SH2D6: variants seen among roughly 807,000 people sequenced by gnomAD.
SH2D6 encodes the protein SH2 domain-containing protein 6.
A neutral mutation model predicts 30.2 loss-of-function variants in SH2D6; 31 were observed. That is an observed-to-expected ratio of 1.03 (90% CI 0.77 to 1.38). The LOEUF is 1.38. Ranked by LOEUF, SH2D6 falls within the 40% of genes most tolerant of loss-of-function variation. The pLI, the probability that SH2D6 is intolerant of heterozygous loss-of-function variation, is 0.00. For synonymous variants in SH2D6, 93 were observed against 104.6 expected (o/e 0.89, Z 0.68); for missense variants, 240 against 266.8 (o/e 0.90, Z 0.70).
intron 5 of SH2D6, 112 bp downstream of exon 5, chr2:85,422,802 A>G (rs1687794241): frequency 6.6e-6 from 1 of 152,370 alleles, no homozygotes; most frequent in African/African-American, 2.4e-5. Context: ...TTCAGCTCCC[A>G]GCCTAACCCT....
In SH2D6 at chr2:85,434,013, C is replaced by G; in HGVS notation, c.455-20C>G. 6.5e-7 allele frequency: 1 copy of G among 1,547,518 alleles called. No individual in the cohort carries two copies. Among genetic ancestry groups the G allele is most frequent in the South Asian group, 1.2e-5 (1 of 83,830 alleles). Reference sequence around the variant, plus strand: ...CTGCCTGGTGCTCAGCCGAGCCCAGCCTGCCCCTCCCTGTTTCAGTCCTGG... The same window carrying G: ...CTGCCTGGTGCTCAGCCGAGCCCAGGCTGCCCCTCCCTGTTTCAGTCCTGG... On this transcript the variant is annotated intron_variant, in intron 16 of 23. Transcript: ENST00000469800.
chr2:85,434,300 T>C (rs1558764103), intron 17 of SH2D6, 40 bp from the exon 18 acceptor site: 1 of 1,529,136 alleles, frequency 6.5e-7, no homozygotes, highest in South Asian at 1.2e-5. Flanking sequence ...TTGAAAAACA[T>C]AAAGACCCTG....
intron 18 of SH2D6, 29 bp from the exon 19 acceptor site, chr2:85,434,444 C>T: frequency 3.2e-6 from 5 of 1,550,422 alleles, no homozygotes; most frequent in Non-Finnish European, 4.4e-6. Context: ...GGGGCCCGGC[C>T]TCTTCTGATC....
intron 2 of SH2D6, among the ~76,000 whole-genome samples, 156 bp downstream of exon 2, chr2:85,419,400 G>A (rs951583723): frequency 1.3e-5 from 2 of 152,200 alleles, no homozygotes; most frequent in Admixed American, 1.3e-4. Context: ...CTACAGAAGG[G>A]ACTTACCCAG....
At chr2:85,423,245 C>T (rs865854183) in intron 5 of SH2D6, among the ~76,000 whole-genome samples, 11 of 145,716 alleles carry the variant, frequency 7.5e-5, no homozygotes, top group Middle Eastern at 8.5e-3. Flanking sequence ...TTTTTTGAGA[C>T]GAAGTCTCAC....
chr2:85,436,693 A>G, intron 23 of SH2D6, 99 bp downstream of exon 23: 2 of 887,538 alleles, frequency 2.3e-6, no homozygotes, highest in South Asian at 3.0e-5. Context: ...AGCCTTTCCC[A>G]GTGCCCACAA....
intron 5 of SH2D6, among the ~76,000 whole-genome samples, chr2:85,423,130 C>T (rs999158669): frequency 6.6e-6 from 1 of 152,154 alleles, no homozygotes; most frequent in Non-Finnish European, 1.5e-5. Context: ...TCAGGTAATC[C>T]GCCTGCCTTG....
intron 15 of SH2D6, among the ~76,000 whole-genome samples, chr2:85,433,352 C>T (rs1688987995): frequency 6.6e-6 from 1 of 152,180 alleles, no homozygotes; most frequent in Non-Finnish European, 1.5e-5. Flanking sequence ...GGCCCATGGG[C>T]GCCTCTGAAG....
At chr2:85,428,982 C>T (rs1031051587) in intron 7 of SH2D6, among the ~76,000 whole-genome samples, 4 of 152,212 alleles carry the variant, frequency 2.6e-5, no homozygotes, top group Non-Finnish European at 5.9e-5. Context: ...AATGAAGCTG[C>T]CACACTAAAT....
At chr2:85,434,927 A>T in intron 19 of SH2D6, 138 bp from the exon 20 acceptor site, 2 of 1,598,702 alleles carry the variant, frequency 1.3e-6, no homozygotes, top group Non-Finnish European at 1.7e-6. Context: ...TGGAGGAAGC[A>T]CTGGGTGCCG....
At chr2:85,426,899 G>A (rs752149716) in intron 6 of SH2D6, among the ~76,000 whole-genome samples, 6 of 152,206 alleles carry the variant, frequency 3.9e-5, no homozygotes, top group Admixed American at 3.9e-4. Flanking sequence ...CCCTCAACCC[G>A]TGGGATCTGA....
rs767998111 is a variant in SH2D6 at position 85,435,744 on chromosome 2, C to T, written c.811C>T (p.Arg271Trp). The T allele has an allele frequency of 1.1e-5, 17 of 1,612,488 alleles. No homozygotes were observed. The highest frequency in any genetic ancestry group is 6.7e-5 in the East Asian group (3 of 44,854). ...CACCCTGGCAGTGCTTCTCCGAGGC[C>T]GGGTCTTCAACATTCCCATCCGGCG... ...PFTLAVLLRG[R>W]VFNIPIRRLD... Residue 271 changes from arginine (R) to tryptophan (W), a missense_variant, in exon 22 of 24, where the codon CGG (arginine) becomes TGG (tryptophan). Coordinates refer to ENST00000469800, the MANE Select transcript of SH2D6 (RefSeq NM_001394463.1).
rs13425174 is a variant in SH2D6 at position 85,435,857 on chromosome 2, G to A, written c.891+33G>A. ...CTGGAGGAGGCAGGGGCCTAAGGAGGGACCACAGAGCAGTACCCCAGGCCT... is the reference window on the plus strand; with the variant it reads ...CTGGAGGAGGCAGGGGCCTAAGGAGAGACCACAGAGCAGTACCCCAGGCCT... On this transcript the variant is annotated intron_variant, in intron 22 of 23. Coordinates refer to ENST00000469800, the MANE Select transcript of SH2D6 (RefSeq NM_001394463.1). The A allele has an allele frequency of 3.2e-3, 4,917 of 1,545,386 alleles. 39 individuals carry two copies. The East Asian group carries it at 0.034, about 11-fold the overall frequency.
Position 85,434,586 on chromosome 2 carries a change from C to T in SH2D6, c.589+89C>T, listed in dbSNP as rs529908881. On this transcript the variant is annotated intron_variant, in intron 19 of 23. Coordinates refer to ENST00000469800, the MANE Select transcript of SH2D6 (RefSeq NM_001394463.1). ...ATCAAACTCCTTGTTCTACCCTTTC[C>T]CCACTTCTCACTACTGCACTTGACT... is the stretch of plus-strand genomic sequence containing the variant. 49 of 1,486,404 alleles carry T rather than the reference C, an allele frequency of 3.3e-5. No individual in the cohort carries two copies. In the East Asian group the frequency reaches 1.2e-3, roughly 35 times the overall value. The allele number at this position is 1,486,404 out of a possible 1,614,324, so 92.1% of individuals were successfully genotyped here. A position where few individuals can be genotyped will look rare whatever the true frequency, so the allele number is the denominator to read the frequency against.
intron 2 of SH2D6, among the ~76,000 whole-genome samples, chr2:85,419,953 T>C (rs1687683901): frequency 6.6e-6 from 1 of 152,228 alleles, no homozygotes; most frequent in African/African-American, 2.4e-5. Context: ...AAAGGTTTGG[T>C]TTTCTGAGTG....
chr2:85,435,319 G>T, intron 20 of SH2D6, 94 bp from the exon 21 acceptor site: 1 of 1,406,390 alleles, frequency 7.1e-7, no homozygotes, highest in African/African-American at 1.4e-5. Context: ...GAGCATAGGA[G>T]ATGGGAACAT....
chr2:85,435,674 C>T lies in SH2D6; in HGVS notation c.741C>T (p.Ala247=), dbSNP rs1412456507. 6.2e-7 allele frequency: 1 copy of T among 1,607,948 alleles called. No homozygotes were observed. Among genetic ancestry groups the T allele is most frequent in the Non-Finnish European group, 8.5e-7 (1 of 1,177,020 alleles). The change falls in exon 22 of 24, where the codon GCC becomes GCT. Residue 247 remains alanine, a synonymous_variant. Coordinates refer to ENST00000469800, the MANE Select transcript of SH2D6 (RefSeq NM_001394463.1). ...SALLHLQKDG[A]YTVRPSSGPH... ...TGGGGTCTCCTCCACAGGATGGGGC[C>T]TATACCGTGCGCCCCAGCTCAGGGC... is the stretch of plus-strand genomic sequence containing the variant.
At chr2:85,432,189 C>G (rs1359195823) in intron 14 of SH2D6, among the ~76,000 whole-genome samples, 3 of 150,872 alleles carry the variant, frequency 2.0e-5, no homozygotes, top group Admixed American at 2.0e-4. Context: ...AAATATTGTG[C>G]CTAAGATCAC....
intron 14 of SH2D6, among the ~76,000 whole-genome samples, chr2:85,432,826 T>G (rs1249543935): frequency 6.6e-6 from 1 of 152,248 alleles, no homozygotes; most frequent in Admixed American, 6.5e-5. Context: ...CATGAGCCAC[T>G]GTGCCCAGCT....
Sources: gnomAD v4.1 joint callset for allele counts (sites outside exome capture counted in the v4.1 genomes callset) on GRCh38, gnomAD v4.1.1 for gene constraint, MANE v1.5 for transcripts, NCBI Gene and HGNC (gene_info 2026-07-23, HGNC 2026-07-21) for gene names.